The following WDR45B variants were observed in gnomAD, a reference collection of about 807,000 sequenced individuals.
WDR45B encodes WD repeat domain phosphoinositide-interacting protein 3.
WDR45B carries 20 observed loss-of-function variants against 44.6 expected under a neutral mutation model. That is an observed-to-expected ratio of 0.45 (90% CI 0.32 to 0.65). The LOEUF (loss-of-function observed/expected upper bound fraction) is 0.65. Ranked by LOEUF, WDR45B falls within the 30% of genes least tolerant of loss-of-function variation. WDR45B has a pLI of 0.05. For missense variants in WDR45B, 323 were observed against 430.2 expected (o/e 0.75, Z 2.20); for synonymous variants, 169 against 164.9 (o/e 1.02, Z -0.19).
rs774886648 is a variant in WDR45B at position 82,648,375 on chromosome 17, T to G, written c.-35A>C. On this transcript the variant is annotated 5_prime_UTR_variant, in exon 1 of 10. Coordinates refer to ENST00000392325, the MANE Select transcript of WDR45B (RefSeq NM_019613.4). ...GTGCTGGGTCGCCGCTCCTCAGCGC[T>G]GCATGCCTCTCGCTGGGGACGGCGG... The G allele has an allele frequency of 8.1e-6, 13 of 1,597,220 alleles. No homozygotes were observed. Among genetic ancestry groups the G allele is most frequent in the Middle Eastern group, 4.4e-4 (2 of 4,594 alleles).
chr17:82,643,902 G>A (rs995998235), intron 2 of WDR45B, 47 bp downstream of exon 2: 23 of 1,591,046 alleles, frequency 1.4e-5, no homozygotes, highest in African/African-American at 2.7e-5. Context: ...TTAAGACTCC[G>A]AGGGTTGGAA....
At chr17:82,621,059 T>C (rs867965149) in intron 6 of WDR45B, among the ~76,000 whole-genome samples, 3 of 150,714 alleles carry the variant, frequency 2.0e-5, no homozygotes, top group South Asian at 2.1e-4. Context: ...TGTTTCTTTT[T>C]TTTTTTTTTT....
chr17:82,627,345 GGATGCAGC>G, intron 3 of WDR45B, 54 bp from the exon 4 acceptor site: 1 of 1,435,482 alleles, frequency 7.0e-7, no homozygotes, highest in Non-Finnish European at 9.7e-7. Context: ...CATGGCGCTG[GGATGCAGC>G]GATGCCAGCT....
chr17:82,618,248 T>A (rs930154901), intron 7 of WDR45B, among the ~76,000 whole-genome samples: 3 of 152,208 alleles, frequency 2.0e-5, no homozygotes, highest in Non-Finnish European at 4.4e-5. Context: ...TACATTTTCA[T>A]CTCAAAGACC....
intron 2 of WDR45B, among the ~76,000 whole-genome samples, chr17:82,635,466 C>G (rs2045821165): frequency 6.9e-6 from 1 of 145,676 alleles, no homozygotes; most frequent in South Asian, 2.2e-4. Flanking sequence ...GCTCTTGTCG[C>G]CCAGGATGGA....
At chr17:82,647,008 G>GATC (rs2045986615) in intron 1 of WDR45B, among the ~76,000 whole-genome samples, 1 of 152,096 alleles carries the variant, frequency 6.6e-6, no homozygotes, top group South Asian at 2.1e-4. Context: ...GAGGCGGGTG[G>GATC]ATCACCTGAG....
intron 2 of WDR45B, among the ~76,000 whole-genome samples, chr17:82,640,549 C>A (rs1158686670): frequency 6.6e-6 from 1 of 152,096 alleles, no homozygotes; most frequent in South Asian, 2.1e-4. Context: ...TGGGGTTTCA[C>A]TGTGCCGGCC....
intron 7 of WDR45B, among the ~76,000 whole-genome samples, chr17:82,617,758 T>TGATCCTGGCCTCAG (rs1568000753): frequency 6.6e-6 from 1 of 152,178 alleles, no homozygotes; most frequent in African/African-American, 2.4e-5. Context: ...TTCTCTCCAA[T>TGATCCTGGCCTCAG]GATCCTGGCC....
chr17:82,635,345 G>A (rs925635848), intron 2 of WDR45B, among the ~76,000 whole-genome samples: 10 of 150,514 alleles, frequency 6.6e-5, no homozygotes, highest in African/African-American at 2.2e-4. Flanking sequence ...GAGAGACAAT[G>A]TTTAGCCCTT....
chr17:82,633,058 G>T (rs763418450), intron 2 of WDR45B, among the ~76,000 whole-genome samples: 4 of 151,692 alleles, frequency 2.6e-5, no homozygotes, highest in Non-Finnish European at 4.4e-5. Context: ...AGCTATATAG[G>T]AGTCTGTGGC....
At chr17:82,631,277 A>ATTTTTT (rs386386786) in intron 2 of WDR45B, among the ~76,000 whole-genome samples, 21 of 86,836 alleles carry the variant, frequency 2.4e-4, no homozygotes, top group East Asian at 6.8e-4. Flanking sequence ...TACAGGACTC[A>ATTTTTT]TTTTTTTTTT....
chr17:82,625,870 G>A (rs575547551), intron 4 of WDR45B: 7 of 277,146 alleles, frequency 2.5e-5, no homozygotes, highest in Admixed American at 5.0e-5. Context: ...TGGCTCAAGC[G>A]TTTGCATTAT....
At chr17:82,647,529 G>A (rs374138992) in intron 1 of WDR45B, among the ~76,000 whole-genome samples, 1 of 152,170 alleles carries the variant, frequency 6.6e-6, no homozygotes, top group African/African-American at 2.4e-5. Context: ...CACCTTCCCT[G>A]GGCGCTTTAA....
chr17:82,637,974 G>C, intron 2 of WDR45B, among the ~76,000 whole-genome samples: 1 of 151,044 alleles, frequency 6.6e-6, no homozygotes, highest in East Asian at 2.0e-4. Context: ...AAGAGTTCGA[G>C]ACCAGCCTGG....
chr17:82,644,203 T>G (rs1264173415), intron 1 of WDR45B, 180 bp from the exon 2 acceptor site: 12 of 671,188 alleles, frequency 1.8e-5, no homozygotes, highest in Non-Finnish European at 2.7e-5. Flanking sequence ...AGCACATCCA[T>G]GCAGGGCATT....
At position 82,643,979 on chromosome 17, in the gene WDR45B, T is replaced by C. The variant is rs557078598; in HGVS notation, c.112A>G (p.Thr38Ala). Reference protein sequence around the residue: ...GMENGFRVYNTDPLKEKEKQE... With the variant: ...GMENGFRVYNADPLKEKEKQE... Reference sequence around the variant, plus strand: ...TTCTCTTTTTCTTTTAGTGGATCAGTGTTATAGACTCGGAATCCATTTTCC... The same window carrying C: ...TTCTCTTTTTCTTTTAGTGGATCAGCGTTATAGACTCGGAATCCATTTTCC... Residue 38 changes from threonine (T) to alanine (A), a missense_variant, in exon 2 of 10, where the codon ACT (threonine) becomes GCT (alanine). Coordinates refer to ENST00000392325, the MANE Select transcript of WDR45B (RefSeq NM_019613.4). The C allele has an allele frequency of 1.1e-5, 17 of 1,614,018 alleles. No individual in the cohort carries two copies. The highest frequency in any genetic ancestry group is 1.4e-5 in the Non-Finnish European group (16 of 1,180,016).
intron 1 of WDR45B, among the ~76,000 whole-genome samples, chr17:82,646,501 AAAAAAAAAAAAC>A (rs1244627030): frequency 4.1e-5 from 6 of 147,068 alleles, no homozygotes; most frequent in Non-Finnish European, 6.0e-5. Flanking sequence ...AAAAAAAAAA[AAAAAAAAAAAAC>A]CCAAAACAAA....
chr17:82,648,220 C>T lies in WDR45B; in HGVS notation c.67+54G>A, dbSNP rs963493772. 7.0e-6 allele frequency: 11 copies of T among 1,565,910 alleles called. No homozygotes were observed. In the Admixed American group the frequency reaches 1.2e-4, roughly 17 times the overall value. ...CAGGAGAGGCCTGAGAGCCGGGGAC[C>T]CCGGGCTGCGGGAAGGCCCGGCCGG... On this transcript the variant is annotated intron_variant, in intron 1 of 9. Transcript: ENST00000392325.
chr17:82,641,249 G>C (rs949946906), intron 2 of WDR45B, among the ~76,000 whole-genome samples: 10 of 152,164 alleles, frequency 6.6e-5, no homozygotes, highest in Non-Finnish European at 1.2e-4. Context: ...TTACAGGCGT[G>C]AGCCACCGTG....
Sources: allele counts gnomAD v4.1 joint callset (sites outside exome capture counted in the v4.1 genomes callset), GRCh38; gene constraint gnomAD v4.1.1; transcripts MANE v1.5; gene names NCBI Gene and HGNC (gene_info 2026-07-23, HGNC 2026-07-21).